SPNS3: variants seen among roughly 807,000 people sequenced by gnomAD.
The protein encoded by SPNS3 is protein spinster homolog 3.
Under a neutral mutation model 54.4 loss-of-function variants are expected in SPNS3, and 51 were observed. The ratio of observed to expected loss-of-function variants is 0.94; its 90% CI spans 0.75 to 1.18. SPNS3 has a LOEUF of 1.18. Among genes scored for constraint, SPNS3 ranks in the 50% most tolerant of loss-of-function variants. The pLI is 0.00. For missense variants in SPNS3, 669 were observed against 677.4 expected (o/e 0.99, Z 0.14); for synonymous variants, 309 against 294.7 (o/e 1.05, Z -0.50).
At chr17:4,461,971 T>A (rs544697945) in intron 8 of SPNS3, among the ~76,000 whole-genome samples, 1 of 152,214 alleles carries the variant, frequency 6.6e-6, no homozygotes, top group East Asian at 1.9e-4. Flanking sequence ...GGTGAAAACA[T>A]TTTTGGGGAG....
chr17:4,441,203 G>C (rs890407697), intron 2 of SPNS3, among the ~76,000 whole-genome samples: 2 of 152,172 alleles, frequency 1.3e-5, no homozygotes, highest in Non-Finnish European at 2.9e-5. Context: ...GTGTGGAGGA[G>C]TACATAGTTC....
At chr17:4,473,391 G>A (rs971343138) in intron 8 of SPNS3, among the ~76,000 whole-genome samples, 120 of 136,794 alleles carry the variant, frequency 8.8e-4, no homozygotes, top group African/African-American at 3.3e-3. Flanking sequence ...GCTCTTCCCA[G>A]TCTTTTTTTT....
intron 8 of SPNS3, among the ~76,000 whole-genome samples, chr17:4,474,604 C>T (rs1971940819): frequency 6.6e-6 from 1 of 152,226 alleles, no homozygotes; most frequent in Non-Finnish European, 1.5e-5. Context: ...GCTTCCTCCT[C>T]CTGCTGACCT....
chr17:4,450,907 C>T lies in SPNS3; in HGVS notation c.923+1520C>T, dbSNP rs908111199. 2.6e-5 allele frequency among the ~76,000 whole-genome samples: 4 copies of T among 151,928 alleles called. No individual in the cohort carries two copies. In the South Asian group the frequency reaches 8.3e-4, roughly 32 times the overall value. On this transcript the variant is annotated intron_variant, in intron 7 of 11. Coordinates refer to ENST00000355530, the MANE Select transcript of SPNS3 (RefSeq NM_182538.5). ...ACAGGCGTGAGCCACCGTGCCCGGC[C>T]GAACTTACAGATCCTTAAGGGCTCT...
intron 8 of SPNS3, among the ~76,000 whole-genome samples, chr17:4,476,472 G>C (rs1467444174): frequency 6.6e-6 from 1 of 152,198 alleles, no homozygotes; most frequent in Non-Finnish European, 1.5e-5. Context: ...GCGTGCCTGG[G>C]CTGCACAGAG....
At chr17:4,462,879 A>C (rs1165444406) in intron 8 of SPNS3, among the ~76,000 whole-genome samples, 1 of 72,932 alleles carries the variant, frequency 1.4e-5, no homozygotes. Context: ...CAATCCATCC[A>C]TCCATCCATC....
At chr17:4,436,022 TA>T (rs984799863) in intron 1 of SPNS3, among the ~76,000 whole-genome samples, 1 of 79,284 alleles carries the variant, frequency 1.3e-5, no homozygotes, top group African/African-American at 4.9e-5. Context: ...GGCTGAGCAC[TA>T]ACTGTGGGCA....
chr17:4,474,008 G>A (rs1206156509), intron 8 of SPNS3, among the ~76,000 whole-genome samples: 1 of 152,150 alleles, frequency 6.6e-6, no homozygotes, highest in Non-Finnish European at 1.5e-5. Context: ...GACAAACCAG[G>A]CCCCACCAGG....
intron 11 of SPNS3, among the ~76,000 whole-genome samples, chr17:4,487,096 C>T (rs1203308848): frequency 5.6e-5 from 8 of 143,460 alleles, no homozygotes; most frequent in East Asian, 2.2e-4. Context: ...CACTTGAACC[C>T]GGGAGGCGGA....
At chr17:4,474,853 CCA>C (rs922815835) in intron 8 of SPNS3, among the ~76,000 whole-genome samples, 35 of 71,314 alleles carry the variant, frequency 4.9e-4, no homozygotes, top group African/African-American at 1.9e-3. Context: ...GGTGCCCTCG[CCA>C]CACATGTTTT....
At chr17:4,435,234 G>C (rs1034428720) in intron 1 of SPNS3, among the ~76,000 whole-genome samples, 2 of 151,886 alleles carry the variant, frequency 1.3e-5, no homozygotes, top group Non-Finnish European at 2.9e-5. Flanking sequence ...ACCAGCCTGG[G>C]CAACATGGTG....
chr17:4,471,110 G>T (rs995791551), intron 8 of SPNS3, among the ~76,000 whole-genome samples: 7 of 152,134 alleles, frequency 4.6e-5, no homozygotes, highest in African/African-American at 1.7e-4. Context: ...TTTTAGTAGA[G>T]ATAGGGTTTC....
intron 8 of SPNS3, among the ~76,000 whole-genome samples, chr17:4,477,565 G>A (rs1243340845): frequency 6.6e-6 from 1 of 152,200 alleles, no homozygotes; most frequent in Non-Finnish European, 1.5e-5. Context: ...CTAATCCCTT[G>A]GCACGAGGTG....
chr17:4,482,572 C>T (rs1190460299), intron 9 of SPNS3: 1 of 152,222 alleles, frequency 6.6e-6, no homozygotes, highest in Non-Finnish European at 1.5e-5. Flanking sequence ...CGGGCAGCCC[C>T]TGCCTCTCGG....
chr17:4,463,688 G>A (rs1196531469), intron 8 of SPNS3, among the ~76,000 whole-genome samples: 8 of 130,182 alleles, frequency 6.1e-5, no homozygotes, highest in Admixed American at 3.1e-4. Flanking sequence ...GCAGTGAGCC[G>A]AAATCGTGCC....
At chr17:4,478,668 G>C in intron 9 of SPNS3, 31 bp downstream of exon 9, 1 of 1,568,808 alleles carries the variant, frequency 6.4e-7, no homozygotes, top group Non-Finnish European at 8.7e-7. Context: ...GGTGGGCTGA[G>C]CAGGGGGAGC....
Position 4,478,642 on chromosome 17 carries a change from G to A in SPNS3, c.1179+5G>A. The stretch of plus-strand genomic sequence containing the variant: ...GTGGTTGCCGACATCCTGCTGGTAG[G>A]TGTGGGAGTCGGGGTGGTGGGCTGA... On this transcript the variant is annotated splice_donor_5th_base_variant and intron_variant, in intron 9 of 11. Transcript: ENST00000355530. 2 of 1,584,504 alleles carry A rather than the reference G, an allele frequency of 1.3e-6. No individual in the cohort carries two copies. The highest frequency in any genetic ancestry group is 1.7e-6 in the Non-Finnish European group (2 of 1,165,094).
intron 3 of SPNS3, 129 bp downstream of exon 3, chr17:4,445,297 G>T: frequency 1.0e-6 from 1 of 979,370 alleles, no homozygotes. Context: ...ATCAGGGATT[G>T]CACTGAGGGC....
At chr17:4,468,415 G>A (rs971027475) in intron 8 of SPNS3, among the ~76,000 whole-genome samples, 1 of 152,196 alleles carries the variant, frequency 6.6e-6, no homozygotes, top group Non-Finnish European at 1.5e-5. Context: ...GAGGAAGTGT[G>A]GAGAAGTGGT....
Sources: allele counts gnomAD v4.1 joint callset (sites outside exome capture counted in the v4.1 genomes callset), GRCh38; gene constraint gnomAD v4.1.1; transcripts MANE v1.5; gene names NCBI Gene and HGNC (gene_info 2026-07-23, HGNC 2026-07-21).